ESYT3: variants seen among roughly 807,000 people sequenced by gnomAD.
ESYT3 encodes the protein extended synaptotagmin-3.
ESYT3 carries 101 observed loss-of-function variants against 111.5 expected under a neutral mutation model. That is an observed-to-expected ratio of 0.91 (90% CI 0.77 to 1.07). ESYT3 has a LOEUF of 1.07. ESYT3 is among the 50% of genes least tolerant of loss of function. The pLI, the probability that ESYT3 is intolerant of heterozygous loss-of-function variation, is 0.00. For missense variants in ESYT3, 1,097 were observed against 1,109.4 expected (o/e 0.99, Z 0.16); for synonymous variants, 416 against 446.8 (o/e 0.93, Z 0.87).
At position 138,478,716 on chromosome 3, in the gene ESYT3, G is replaced by A. The variant is rs964739706; in HGVS notation, c.*1862G>A. ...AATGTTGAAGGGAACCAGAATTTTA[G>A]TACACAGCAGACAGGAGGCAAGGTT... On this transcript the variant is annotated 3_prime_UTR_variant, in exon 23 of 23. Coordinates refer to ENST00000389567, the MANE Select transcript of ESYT3 (RefSeq NM_031913.5). 1 of 152,200 alleles carries A rather than the reference G, an allele frequency of 6.6e-6. No individual in the cohort carries two copies. Among genetic ancestry groups the A allele is most frequent in the African/African-American group, 2.4e-5 (1 of 41,434 alleles). 9.4% of individuals were successfully genotyped at this position (152,200 alleles called of 1,614,324 possible). A position where few individuals can be genotyped will look rare whatever the true frequency, so the allele number is the denominator to read the frequency against.
chr3:138,479,885 C>T lies in ESYT3; in HGVS notation c.*3031C>T, dbSNP rs1431545309. On this transcript the variant is annotated 3_prime_UTR_variant, in exon 23 of 23. Transcript: ENST00000389567. Reference sequence around the variant, plus strand: ...CTGTATCCCCTAGAGTCCACTTCTACCCCGTTTAGTAGTAAATACAAGAAT... The same window carrying T: ...CTGTATCCCCTAGAGTCCACTTCTATCCCGTTTAGTAGTAAATACAAGAAT... 3.3e-5 allele frequency: 5 copies of T among 152,154 alleles called. No individual in the cohort carries two copies. The highest frequency in any genetic ancestry group is 1.2e-4 in the African/African-American group (5 of 41,430). The allele number at this position is 152,154 out of a possible 1,614,324, so 9.4% of individuals were successfully genotyped here. A position where few individuals can be genotyped will look rare whatever the true frequency, so the allele number is the denominator to read the frequency against.
chr3:138,451,945 G>A (rs2031959690), intron 1 of ESYT3, 103 bp from the exon 2 acceptor site: 2 of 1,272,354 alleles, frequency 1.6e-6, no homozygotes, highest in Non-Finnish European at 2.3e-6. Flanking sequence ...AAGGGTTGAG[G>A]TGCAGCGCGT....
At chr3:138,473,754 G>A (rs2108630843) in intron 19 of ESYT3, 120 bp downstream of exon 19, 2 of 864,700 alleles carry the variant, frequency 2.3e-6, no homozygotes, top group Non-Finnish European at 3.5e-6. Context: ...CACTTTGGGG[G>A]AAAAATGAGA....
downstream of ESYT3, chr3:138,481,083 A>T (rs181242046): frequency 1.8e-4 from 28 of 152,238 alleles, no homozygotes; most frequent in Admixed American, 1.4e-3. Flanking sequence ...AAATCAATCA[A>T]CTCCAGGTAT....
Position 138,436,986 on chromosome 3 carries a change from A to G in ESYT3, c.327+1861A>G, listed in dbSNP as rs531003650. Among the ~76,000 whole-genome samples, 8 of 151,626 alleles carry G rather than the reference A, an allele frequency of 5.3e-5. No homozygotes were observed. In the East Asian group the frequency reaches 1.6e-3, roughly 30 times the overall value. On this transcript the variant is annotated intron_variant, in intron 1 of 22. Coordinates refer to ENST00000389567, the MANE Select transcript of ESYT3 (RefSeq NM_031913.5). ...TCTCCCCCACATACACCACAGAGACAGTTCTGGCCTCTGTTGGGGATACAG... is the reference window on the plus strand; with the variant it reads ...TCTCCCCCACATACACCACAGAGACGGTTCTGGCCTCTGTTGGGGATACAG...
rs2033263172 is a variant in ESYT3, at chr3:138,472,361, A to G, written c.1741-2A>G. ...ATAAGCCACCCTCTTATCTGCTTGC[A>G]GTTCCTGCAAGTGGAGGAACGAGAG... is the stretch of plus-strand genomic sequence containing the variant. On this transcript the variant is annotated splice_acceptor_variant, in intron 17 of 22. Transcript: ENST00000389567. LOFTEE classifies it high-confidence loss of function. 1 of 1,612,544 alleles carries G rather than the reference A, an allele frequency of 6.2e-7. No individual in the cohort carries two copies. Among genetic ancestry groups the G allele is most frequent in the Non-Finnish European group, 8.5e-7 (1 of 1,179,420 alleles).
At chr3:138,453,547 A>T (rs2032078161) in intron 2 of ESYT3, among the ~76,000 whole-genome samples, 1 of 152,186 alleles carries the variant, frequency 6.6e-6, no homozygotes, top group African/African-American at 2.4e-5. Flanking sequence ...AGGCTCCTCC[A>T]ATGATGGCTT....
chr3:138,464,431 C>A lies in ESYT3; in HGVS notation c.1002C>A (p.Tyr334Ter), dbSNP rs138220144. The A allele has an allele frequency of 6.2e-7, 1 of 1,614,166 alleles. No homozygotes were observed. The highest frequency in any genetic ancestry group is 8.5e-7 in the Non-Finnish European group (1 of 1,180,026). The change falls in exon 9 of 23, where the codon TAC becomes TAA. Residue 334 changes from tyrosine to a stop codon, truncating the protein, a stop_gained. Transcript: ENST00000389567. LOFTEE classifies it high-confidence loss of function. ...FLGLRGKSDP[Y>*]AKVSIGLQHF... ...GGCTCCGAGGCAAGTCAGATCCCTA[C>A]GCCAAGGTGAGCATCGGCCTACAGC...
intron 1 of ESYT3, among the ~76,000 whole-genome samples, chr3:138,450,212 G>A (rs558717532): frequency 6.6e-6 from 1 of 152,294 alleles, no homozygotes; most frequent in African/African-American, 2.4e-5. Context: ...TGGGCGATGA[G>A]GCCATGACAT....
At position 138,464,479 on chromosome 3, in the gene ESYT3, C is replaced by A; in HGVS notation, c.1050C>A (p.Tyr350Ter). 6.2e-7 allele frequency: 1 copy of A among 1,614,156 alleles called. No individual in the cohort carries two copies. Among genetic ancestry groups the A allele is most frequent in the African/African-American group, 1.3e-5 (1 of 75,052 alleles). The stretch of plus-strand genomic sequence containing the variant: ...AGCATTTCCGGAGTAGGACCATCTA[C>A]AGGAACCTGAACCCCACCTGGAACG... ...GLQHFRSRTIYRNLNPTWNEV... is the reference protein window; with the variant it reads ...GLQHFRSRTI Residue 350 changes from tyrosine (Y) to a stop codon, truncating the protein, a stop_gained, in exon 9 of 23, where the codon TAC becomes TAA. Coordinates refer to ENST00000389567, the MANE Select transcript of ESYT3 (RefSeq NM_031913.5). LOFTEE classifies it high-confidence loss of function.
Position 138,472,971 on chromosome 3 carries a change from ATATC to A in ESYT3, c.2237+114_2237+117del. ...TCTGTGCAAGTTGTTTTTTCACAAA[ATATC>A]TTCCTAAGAGGCAGCATGGTGTGGT... On this transcript the variant is annotated intron_variant, in intron 18 of 22. Transcript: ENST00000389567. 4.6e-6 allele frequency: 7 copies of A among 1,515,438 alleles called. No homozygotes were observed. In the South Asian group the frequency reaches 9.3e-5, roughly 20 times the overall value. The allele number at this position is 1,515,438 out of a possible 1,614,324, so 93.9% of individuals were successfully genotyped here.
intron 1 of ESYT3, among the ~76,000 whole-genome samples, chr3:138,443,137 G>A (rs1186141597): frequency 2.0e-5 from 3 of 152,164 alleles, no homozygotes; most frequent in Middle Eastern, 6.3e-3. Flanking sequence ...TCATCACTGT[G>A]ACTAGTGGAA....
In ESYT3 at chr3:138,455,201, C is replaced by T. The variant is rs570708059; in HGVS notation, c.377C>T (p.Ser126Phe). 6.2e-7 allele frequency: 1 copy of T among 1,614,210 alleles called. No homozygotes were observed. ...CTCTTCCCGTCTTCACAGATCATCTCTCAGACCTGGCCCTACCTAAGCATG... is the reference window on the plus strand; with the variant it reads ...CTCTTCCCGTCTTCACAGATCATCTTTCAGACCTGGCCCTACCTAAGCATG... ...ERVEWANKII[S>F]QTWPYLSMIM... The change falls in exon 3 of 23, where the codon TCT becomes TTT. Residue 126 changes from serine (S) to phenylalanine (F), a missense_variant. Transcript: ENST00000389567.
At position 138,477,134 on chromosome 3, in the gene ESYT3, C is replaced by T. The variant is rs2033521988; in HGVS notation, c.*280C>T. The T allele has an allele frequency of 3.2e-6, 1 of 316,130 alleles. No individual in the cohort carries two copies. The highest frequency in any genetic ancestry group is 4.6e-5 in the Admixed American group (1 of 21,674). 19.6% of individuals were successfully genotyped at this position (316,130 alleles called of 1,614,324 possible). On this transcript the variant is annotated 3_prime_UTR_variant, in exon 23 of 23. Transcript: ENST00000389567. ...TTTGTGCCTACTAAATTATCCAAAC[C>T]TCAGTGTTTATATACTTAAACAAGT...
At chr3:138,467,159 A>G (rs1018054072) in intron 10 of ESYT3, among the ~76,000 whole-genome samples, 2 of 152,180 alleles carry the variant, frequency 1.3e-5, no homozygotes, top group African/African-American at 4.8e-5. Flanking sequence ...CATGACTGTG[A>G]GAGGTGGTTC....
chr3:138,463,257 G>A (rs867752436), intron 8 of ESYT3, among the ~76,000 whole-genome samples: 3 of 152,058 alleles, frequency 2.0e-5, no homozygotes, highest in Non-Finnish European at 4.4e-5. Context: ...ACCAAGCCTG[G>A]CTAATTTTTG....
intron 3 of ESYT3, among the ~76,000 whole-genome samples, chr3:138,457,204 T>C (rs1471548890): frequency 1.3e-5 from 2 of 152,242 alleles, no homozygotes; most frequent in African/African-American, 4.8e-5. Context: ...CCAGTTCCTG[T>C]GCCTATGCCC....
intron 1 of ESYT3, among the ~76,000 whole-genome samples, chr3:138,442,003 C>T (rs1482200275): frequency 5.9e-5 from 9 of 152,010 alleles, no homozygotes; most frequent in Non-Finnish European, 1.3e-4. Flanking sequence ...AACAAAAAGC[C>T]AAGGAAATTG....
intron 17 of ESYT3, 136 bp from the exon 18 acceptor site, chr3:138,472,227 G>A: frequency 8.2e-6 from 9 of 1,093,386 alleles, no homozygotes; most frequent in Non-Finnish European, 1.2e-5. Context: ...AACACCATAT[G>A]TATTACTGGA....
Sources: gnomAD v4.1 joint callset for allele counts (sites outside exome capture counted in the v4.1 genomes callset) on GRCh38, gnomAD v4.1.1 for gene constraint, MANE v1.5 for transcripts, NCBI Gene and HGNC (gene_info 2026-07-23, HGNC 2026-07-21) for gene names.